Variants in CADM2 observed in about 807,000 individuals in gnomAD.
The protein encoded by CADM2 is cell adhesion molecule 2.
CADM2 carries 12 observed loss-of-function variants against 49.8 expected under a neutral mutation model. That is an observed-to-expected ratio of 0.24 (90% confidence interval 0.15 to 0.39). The LOEUF (loss-of-function observed/expected upper bound fraction) is 0.39. CADM2 is among the 10% of genes least tolerant of loss of function. The pLI is 1.00. For missense variants in CADM2, 378 were observed against 492.3 expected (o/e 0.77, Z 2.20); for synonymous variants, 214 against 175.4 (o/e 1.22, Z -1.74).
chr3:85,181,538 T>C (rs1387265799), intron 1 of CADM2, among the ~76,000 whole-genome samples: 1 of 152,092 alleles, frequency 6.6e-6, no homozygotes, highest in Non-Finnish European at 1.5e-5. Flanking sequence ...GAATCTGCCA[T>C]GTAAATTGAG....
intron 8 of CADM2, among the ~76,000 whole-genome samples, chr3:86,001,843 A>G (rs1164616810): frequency 6.6e-6 from 1 of 152,104 alleles, no homozygotes; most frequent in African/African-American, 2.4e-5. Context: ...ACAAATCTGG[A>G]GCTATGAATT....
intron 1 of CADM2, among the ~76,000 whole-genome samples, chr3:85,298,569 A>G (rs370938684): frequency 1.3e-5 from 2 of 152,122 alleles, no homozygotes; most frequent in East Asian, 1.9e-4. Context: ...TGAGAAAGGT[A>G]TTTGAAAGGA....
intron 1 of CADM2, among the ~76,000 whole-genome samples, chr3:84,973,353 T>G (rs2031597944): frequency 6.7e-6 from 1 of 150,276 alleles, no homozygotes; most frequent in Non-Finnish European, 1.5e-5. Context: ...GCTTTTAACA[T>G]TTTTTTTTTA....
intron 1 of CADM2, among the ~76,000 whole-genome samples, chr3:84,981,030 G>T (rs1292632701): frequency 6.6e-6 from 1 of 151,686 alleles, no homozygotes. Flanking sequence ...ACATTGTGCA[G>T]GTTAGTTACA....
chr3:85,543,153 AAAT>A (rs2061582248), intron 1 of CADM2, among the ~76,000 whole-genome samples: 1 of 152,180 alleles, frequency 6.6e-6, no homozygotes, highest in South Asian at 2.1e-4. Context: ...CCCTTGGCAA[AAAT>A]AAGGCAGATT....
intron 1 of CADM2, among the ~76,000 whole-genome samples, chr3:85,461,864 T>C (rs1246284420): frequency 2.0e-5 from 3 of 152,130 alleles, no homozygotes; most frequent in African/African-American, 7.2e-5. Context: ...TAGATTCAGA[T>C]AAATATAATA....
rs2038425779 is a variant in CADM2, at chr3:85,465,017, C to CA, written c.62-261504dup. On this transcript the variant is annotated intron_variant, in intron 1 of 9. Transcript: ENST00000383699. Reference sequence around the variant, plus strand: ...ACTAAAAATTAGCCGGGCGTGGTGGCACACGCCTATAGTCCCAGCAACTCG... The same window carrying CA: ...ACTAAAAATTAGCCGGGCGTGGTGGCAACACGCCTATAGTCCCAGCAACTCG... Among the ~76,000 whole-genome samples, 6 of 152,224 alleles carry CA rather than the reference C, an allele frequency of 3.9e-5. No individual in the cohort carries two copies. In the South Asian group the frequency reaches 1.0e-3, roughly 26 times the overall value.
chr3:85,915,179 C>A (rs1718118329), intron 6 of CADM2, among the ~76,000 whole-genome samples: 1 of 152,050 alleles, frequency 6.6e-6, no homozygotes, highest in South Asian at 2.1e-4. Context: ...TAGCCATTAA[C>A]CATATTTCAA....
intron 1 of CADM2, among the ~76,000 whole-genome samples, chr3:85,352,138 T>C (rs2031411992): frequency 1.3e-5 from 2 of 152,162 alleles, no homozygotes; most frequent in Admixed American, 1.3e-4. Flanking sequence ...TTTGTGTTTT[T>C]TGAGGTTTCT....
intron 1 of CADM2, among the ~76,000 whole-genome samples, chr3:85,578,682 G>A (rs865958766): frequency 5.3e-5 from 8 of 152,198 alleles, no homozygotes; most frequent in African/African-American, 1.9e-4. Context: ...CACTGATAAA[G>A]CAGGAAAAGA....
intron 1 of CADM2, among the ~76,000 whole-genome samples, chr3:85,662,292 T>C: frequency 6.6e-6 from 1 of 150,804 alleles, no homozygotes; most frequent in East Asian, 1.9e-4. Context: ...AGCAATGTGG[T>C]AAAAAATGAA....
At chr3:86,041,347 C>T (rs1735899864) in intron 8 of CADM2, among the ~76,000 whole-genome samples, 1 of 152,118 alleles carries the variant, frequency 6.6e-6, no homozygotes, top group African/African-American at 2.4e-5. Flanking sequence ...ATCTCACTTG[C>T]AGAGACACAC....
At chr3:85,649,490 A>G (rs1048872699) in intron 1 of CADM2, among the ~76,000 whole-genome samples, 7 of 152,308 alleles carry the variant, frequency 4.6e-5, no homozygotes, top group African/African-American at 1.7e-4. Context: ...ACATATTCTA[A>G]AAACAAGAAG....
At chr3:85,350,398 A>G (rs1001832748) in intron 1 of CADM2, among the ~76,000 whole-genome samples, 2 of 152,098 alleles carry the variant, frequency 1.3e-5, no homozygotes, top group African/African-American at 4.8e-5. Flanking sequence ...CATGATTGCC[A>G]TTTTGCTGTG....
At chr3:85,737,560 T>G (rs548402822) in intron 2 of CADM2, among the ~76,000 whole-genome samples, 2 of 111,708 alleles carry the variant, frequency 1.8e-5, no homozygotes, top group East Asian at 5.2e-4. Flanking sequence ...ATTCTTTTCT[T>G]TCTTTTTTTT....
At chr3:85,850,553 T>A (rs1039171510) in intron 3 of CADM2, among the ~76,000 whole-genome samples, 3 of 151,814 alleles carry the variant, frequency 2.0e-5, no homozygotes, top group Non-Finnish European at 2.9e-5. Flanking sequence ...TGGTCTGGAT[T>A]TCCTGACCTC....
intron 1 of CADM2, among the ~76,000 whole-genome samples, chr3:85,361,280 C>T (rs1252785967): frequency 6.6e-6 from 1 of 152,070 alleles, no homozygotes; most frequent in Non-Finnish European, 1.5e-5. Context: ...TTCATGGAAA[C>T]AAGACAAAGG....
chr3:85,278,781 C>G (rs1324866689), intron 1 of CADM2, among the ~76,000 whole-genome samples: 1 of 149,372 alleles, frequency 6.7e-6, no homozygotes, highest in African/African-American at 2.4e-5. Context: ...TAGGGAAAAT[C>G]ACAATGTTTT....
chr3:85,860,252 C>T (rs777199436), intron 3 of CADM2, among the ~76,000 whole-genome samples: 14 of 152,152 alleles, frequency 9.2e-5, no homozygotes, highest in East Asian at 1.9e-4. Context: ...CACACTCTTA[C>T]GGACATAGGA....
Sources: allele counts gnomAD v4.1 joint callset (sites outside exome capture counted in the v4.1 genomes callset), GRCh38; gene constraint gnomAD v4.1.1; transcripts MANE v1.5; gene names NCBI Gene and HGNC (gene_info 2026-07-23, HGNC 2026-07-21).